The following IL1RAPL2 variants were observed in gnomAD, a reference collection of about 807,000 sequenced individuals.
IL1RAPL2 encodes interleukin 1 receptor accessory protein like 2, also known as X-linked interleukin-1 receptor accessory protein-like 2.
A neutral mutation model predicts 44.1 loss-of-function variants in IL1RAPL2; 3 were observed. The observed-to-expected ratio is 0.07, with a 90% CI of 0.03 to 0.18. The LOEUF is 0.18. IL1RAPL2 is among the 10% of genes least tolerant of loss of function. The pLI, the probability that IL1RAPL2 is intolerant of heterozygous loss-of-function variation, is 1.00. For missense variants in IL1RAPL2, 391 were observed against 496.4 expected, an observed-to-expected ratio of 0.79 and a Z score of 2.02; for synonymous variants, 181 against 178.8, an observed-to-expected ratio of 1.01 and a Z score of -0.10.
chrX:105,370,315 T>C (rs1395211879), intron 5 of IL1RAPL2, among the ~76,000 whole-genome samples: 1 of 111,703 alleles, frequency 9.0e-6, no homozygotes, highest in Non-Finnish European at 1.9e-5. Flanking sequence ...ACAGATTATT[T>C]TGTCACCCAG....
At chrX:105,684,856 G>C (rs905710386) in intron 6 of IL1RAPL2, among the ~76,000 whole-genome samples, 68 of 111,914 alleles carry the variant, frequency 6.1e-4, no homozygotes, top group Non-Finnish European at 1.1e-3. Flanking sequence ...AGCAATATTT[G>C]CTGTTGTGCA....
At chrX:105,503,288 C>T (rs1345986103) in intron 6 of IL1RAPL2, among the ~76,000 whole-genome samples, 1 of 111,318 alleles carries the variant, frequency 9.0e-6, no homozygotes, top group Non-Finnish European at 1.9e-5. Flanking sequence ...ATGAAAGGAG[C>T]AGAATTTTTG....
At chrX:105,465,336 GA>G (rs1271698577) in intron 5 of IL1RAPL2, among the ~76,000 whole-genome samples, 1 of 111,909 alleles carries the variant, frequency 8.9e-6, no homozygotes, top group Non-Finnish European at 1.9e-5. Context: ...TCTTTCCTGA[GA>G]AAGTGAAGTG....
intron 2 of IL1RAPL2, among the ~76,000 whole-genome samples, chrX:105,009,744 T>C (rs2031015513): frequency 9.1e-6 from 1 of 109,625 alleles, no homozygotes; most frequent in Non-Finnish European, 1.9e-5. Context: ...AAACTTAAAG[T>C]ATAATAATAA....
Position 104,819,800 on chromosome X carries a change from A to ATTTACAC in IL1RAPL2, c.82+160806_82+160807insTTACACT, listed in dbSNP as rs1399200139. On this transcript the variant is annotated intron_variant, in intron 2 of 10. Coordinates refer to ENST00000372582, the MANE Select transcript of IL1RAPL2 (RefSeq NM_017416.2). ...CTTTGTGATTTACACTGTTTGTGTG[A>ATTTACAC]TGTTATGTTCTCAATACAATGAGCT... 1.5e-4 allele frequency among the ~76,000 whole-genome samples: 17 copies of ATTTACAC among 112,124 alleles called. No individual in the cohort carries two copies. The Admixed American group carries it at 1.5e-3, about 10-fold the overall frequency.
chrX:105,317,091 T>C (rs2034848290), intron 5 of IL1RAPL2, among the ~76,000 whole-genome samples: 1 of 111,981 alleles, frequency 8.9e-6, no homozygotes, highest in Admixed American at 9.5e-5. Context: ...TAATAATTTT[T>C]TTAAAGTAGA....
chrX:104,752,801 G>T (rs1932282137), intron 2 of IL1RAPL2, among the ~76,000 whole-genome samples: 1 of 110,579 alleles, frequency 9.0e-6, no homozygotes, highest in Admixed American at 9.7e-5. Context: ...GTTCTTGGTT[G>T]AACATGGTTC....
At chrX:105,354,641 T>G (rs1229085466) in intron 5 of IL1RAPL2, among the ~76,000 whole-genome samples, 1 of 104,537 alleles carries the variant, frequency 9.6e-6, no homozygotes, top group Admixed American at 9.8e-5. Flanking sequence ...CCCTAAAACT[T>G]AAAGTATAAT....
intron 10 of IL1RAPL2, among the ~76,000 whole-genome samples, chrX:105,766,385 C>T (rs1184067181): frequency 1.8e-5 from 2 of 111,434 alleles, no homozygotes; most frequent in South Asian, 3.8e-4. Flanking sequence ...GAGAAACAAG[C>T]TATGATTCTA....
At chrX:105,175,165 A>G (rs1820126586) in intron 2 of IL1RAPL2, among the ~76,000 whole-genome samples, 1 of 111,615 alleles carries the variant, frequency 9.0e-6, no homozygotes, top group Admixed American at 9.5e-5. Context: ...CATCATTACT[A>G]TCATTATTAC....
At chrX:105,601,030 T>A (rs1235809227) in intron 6 of IL1RAPL2, among the ~76,000 whole-genome samples, 2 of 111,907 alleles carry the variant, frequency 1.8e-5, no homozygotes, top group African/African-American at 6.5e-5. Context: ...CTTTTTAATA[T>A]ATTTATGGGG....
chrX:105,035,230 G>C (rs1047447460), intron 2 of IL1RAPL2, among the ~76,000 whole-genome samples: 5 of 111,422 alleles, frequency 4.5e-5, no homozygotes, highest in African/African-American at 1.6e-4. Flanking sequence ...GCTCACGCAC[G>C]GTGCACTGCA....
At chrX:105,176,773 G>A (rs752050316) in intron 2 of IL1RAPL2, among the ~76,000 whole-genome samples, 1 of 110,583 alleles carries the variant, frequency 9.0e-6, no homozygotes, top group Non-Finnish European at 1.9e-5. Flanking sequence ...CATTAACCTG[G>A]GTGAGGCCAT....
At position 104,816,240 on chromosome X, in the gene IL1RAPL2, T is replaced by C. The variant is rs554276930; in HGVS notation, c.82+157245T>C. Among the ~76,000 whole-genome samples, 21 of 112,108 alleles carry C rather than the reference T, an allele frequency of 1.9e-4. No homozygotes were observed. The South Asian group carries it at 7.8e-3, about 42-fold the overall frequency. On this transcript the variant is annotated intron_variant, in intron 2 of 10. Transcript: ENST00000372582. The stretch of plus-strand genomic sequence containing the variant: ...ATGTGGGCTACAGTGTAATTCTAAT[T>C]CATGACTATAGTCTGTACTCCTTAT...
At position 105,412,103 on chromosome X, in the gene IL1RAPL2, A is replaced by G. The variant is rs919180685; in HGVS notation, c.698-72210A>G. 1.3e-4 allele frequency among the ~76,000 whole-genome samples: 14 copies of G among 111,310 alleles called. No homozygotes were observed. In the East Asian group the frequency reaches 3.1e-3, roughly 25 times the overall value. On this transcript the variant is annotated intron_variant, in intron 5 of 10. Coordinates refer to ENST00000372582, the MANE Select transcript of IL1RAPL2 (RefSeq NM_017416.2). ...AAAGAAAACTTAAAAATTCATTGGG[A>G]CAAATGACAATGGAAAACACATCAT...
intron 6 of IL1RAPL2, among the ~76,000 whole-genome samples, chrX:105,545,575 GTCT>G (rs1489215865): frequency 3.6e-5 from 4 of 112,014 alleles, no homozygotes; most frequent in African/African-American, 1.3e-4. Context: ...ATGTCTATGT[GTCT>G]TCTTCTGTTG....
chrX:105,034,516 G>C (rs1193977723), intron 2 of IL1RAPL2, among the ~76,000 whole-genome samples: 2 of 112,324 alleles, frequency 1.8e-5, no homozygotes, highest in African/African-American at 6.5e-5. Context: ...CTGGGTATCA[G>C]CAGCGGTGGC....
chrX:105,399,162 A>G (rs189793423), intron 5 of IL1RAPL2, among the ~76,000 whole-genome samples: 13 of 111,823 alleles, frequency 1.2e-4, no homozygotes, highest in African/African-American at 3.9e-4. Flanking sequence ...AAGCTGGTGC[A>G]TATCATCCTC....
chrX:105,236,229 C>G, intron 4 of IL1RAPL2, among the ~76,000 whole-genome samples: 1 of 112,095 alleles, frequency 8.9e-6, no homozygotes, highest in East Asian at 2.8e-4. Flanking sequence ...TCTCATATCT[C>G]TAGACATCAC....
Sources: allele counts gnomAD v4.1 joint callset (sites outside exome capture counted in the v4.1 genomes callset), GRCh38; gene constraint gnomAD v4.1.1; transcripts MANE v1.5; gene names NCBI Gene and HGNC (gene_info 2026-07-23, HGNC 2026-07-21).